Variants in ANXA13 observed in about 807,000 individuals in gnomAD.
ANXA13 encodes annexin A13, also known as annexin XIII.
Under a neutral mutation model 46.6 loss-of-function variants are expected in ANXA13, and 36 were observed. That is an observed-to-expected ratio of 0.77 (90% CI 0.59 to 1.02). The LOEUF is 1.02. ANXA13 is among the 50% of genes least tolerant of loss of function. The pLI is 0.00. For synonymous variants in ANXA13, 163 were observed against 152.9 expected, an observed-to-expected ratio of 1.07 and a Z score of -0.49; for missense variants, 417 against 396.5, an observed-to-expected ratio of 1.05 and a Z score of -0.44.
chr8:123,730,982 G>T (rs537280735), intron 1 of ANXA13, among the ~76,000 whole-genome samples: 2 of 152,340 alleles, frequency 1.3e-5, no homozygotes, highest in Non-Finnish European at 2.9e-5. Flanking sequence ...TCTGTAGGTT[G>T]AATGGTGGGA....
intron 8 of ANXA13, among the ~76,000 whole-genome samples, chr8:123,689,483 C>T (rs1813195266): frequency 1.3e-5 from 2 of 152,058 alleles, no homozygotes; most frequent in South Asian, 4.1e-4. Context: ...TTCATGATAA[C>T]AACTTGATCT....
At chr8:123,696,379 A>T (rs1234854547) in intron 4 of ANXA13, among the ~76,000 whole-genome samples, 1 of 152,196 alleles carries the variant, frequency 6.6e-6, no homozygotes, top group Non-Finnish European at 1.5e-5. Context: ...TCTCTCCTTC[A>T]AACAAGGCTT....
intron 1 of ANXA13, among the ~76,000 whole-genome samples, chr8:123,731,553 T>G (rs968714283): frequency 6.6e-6 from 1 of 152,054 alleles, no homozygotes; most frequent in African/African-American, 2.4e-5. Context: ...AAACCATCAG[T>G]CCAGTGTGAG....
intron 10 of ANXA13, among the ~76,000 whole-genome samples, chr8:123,684,189 T>C (rs1322168126): frequency 6.6e-6 from 1 of 152,254 alleles, no homozygotes; most frequent in Non-Finnish European, 1.5e-5. Flanking sequence ...GCTGATGTGC[T>C]TGCTTCTGCA....
rs556296351 is a variant in ANXA13, at chr8:123,734,578, G to A, written c.15+2742C>T. The stretch of plus-strand genomic sequence containing the variant: ...TGAGGATAGCACAAAAGTAATTTTC[G>A]TTTCAGGATTGGTTAGGATTTCAGA... On this transcript the variant is annotated intron_variant, in intron 1 of 10. Coordinates refer to ENST00000419625, the MANE Select transcript of ANXA13 (RefSeq NM_004306.4). Among the ~76,000 whole-genome samples, 21 of 151,878 alleles carry A rather than the reference G, an allele frequency of 1.4e-4. No individual in the cohort carries two copies. The South Asian group carries it at 3.5e-3, about 26-fold the overall frequency.
Position 123,693,234 on chromosome 8 carries a change from T to A in ANXA13, c.605A>T (p.Tyr202Phe), listed in dbSNP as rs755549123. The A allele has an allele frequency of 6.2e-7, 1 of 1,614,212 alleles. No individual in the cohort carries two copies. The highest frequency in any genetic ancestry group is 1.7e-5 in the Admixed American group (1 of 60,024). ...AFNEVLAKRS[Y>F]KQLRATFQAY... is the part of the protein sequence containing the mutation. ...TTGAAAGGTGGCTCGTAACTGCTTG[T>A]AGCTCCTCTTGGCCAGGACTTCATT... Residue 202 changes from tyrosine to phenylalanine, a missense_variant, in exon 8 of 11, where the codon TAC becomes TTC. Transcript: ENST00000419625.
At chr8:123,734,311 A>T (rs893809814) in intron 1 of ANXA13, among the ~76,000 whole-genome samples, 5 of 152,228 alleles carry the variant, frequency 3.3e-5, no homozygotes, top group African/African-American at 1.2e-4. Flanking sequence ...AGACAATAGA[A>T]GAGTCATCTA....
At position 123,696,886 on chromosome 8, in the gene ANXA13, T is replaced by C. The variant is rs1276007333; in HGVS notation, c.358-1165A>G. On this transcript the variant is annotated intron_variant, in intron 4 of 10. Coordinates refer to ENST00000419625, the MANE Select transcript of ANXA13 (RefSeq NM_004306.4). ...AACTAGGCTGAGGGAGAAAAAGCTA[T>C]GATCACATGAGATTAGAAAAATATA... Among the ~76,000 whole-genome samples, 3 of 152,242 alleles carry C rather than the reference T, an allele frequency of 2.0e-5. No individual in the cohort carries two copies. The East Asian group carries it at 5.8e-4, about 29-fold the overall frequency.
intron 1 of ANXA13, among the ~76,000 whole-genome samples, chr8:123,730,604 A>G (rs945135794): frequency 1.5e-4 from 23 of 152,266 alleles, no homozygotes; most frequent in African/African-American, 5.5e-4. Context: ...GTCTTTGTAG[A>G]TGTAATTAGT....
At chr8:123,736,790 C>A (rs771878556) in intron 1 of ANXA13, among the ~76,000 whole-genome samples, 70 of 151,140 alleles carry the variant, frequency 4.6e-4, no homozygotes, top group Non-Finnish European at 9.4e-4. Flanking sequence ...ATACTTCTTT[C>A]TCTTTAGCCC....
intron 10 of ANXA13, among the ~76,000 whole-genome samples, chr8:123,683,867 A>G (rs888462625): frequency 3.3e-5 from 5 of 152,154 alleles, no homozygotes; most frequent in African/African-American, 4.8e-5. Context: ...GATTACAGGC[A>G]TGAGCCATTG....
chr8:123,737,300 C>T lies in ANXA13; in HGVS notation c.15+20G>A, dbSNP rs779314089. 6.2e-7 allele frequency: 1 copy of T among 1,606,108 alleles called. No individual in the cohort carries two copies. Among genetic ancestry groups the T allele is most frequent in the South Asian group, 1.1e-5 (1 of 90,078 alleles). ...GCTAACCAAAATTAAAACCAATTCC[C>T]AAAGGCAATGAGTACTTACATGACG... On this transcript the variant is annotated intron_variant, in intron 1 of 10. Transcript: ENST00000419625.
intron 3 of ANXA13, among the ~76,000 whole-genome samples, chr8:123,698,891 T>C (rs971813798): frequency 6.6e-6 from 1 of 152,146 alleles, no homozygotes; most frequent in African/African-American, 2.4e-5. Flanking sequence ...TCAAGATCTG[T>C]TGAACCTGAT....
intron 1 of ANXA13, among the ~76,000 whole-genome samples, chr8:123,718,071 C>A (rs1563616421): frequency 6.6e-6 from 1 of 152,206 alleles, no homozygotes. Flanking sequence ...ACCCCACCGA[C>A]TTTTTTCGGA....
chr8:123,735,689 C>T (rs978787727), intron 1 of ANXA13: 2 of 1,478,150 alleles, frequency 1.4e-6, no homozygotes, highest in Non-Finnish European at 1.8e-6. Flanking sequence ...TCACTGGGGG[C>T]TCATATTGGC....
chr8:123,727,084 C>T (rs1032608961), intron 1 of ANXA13, among the ~76,000 whole-genome samples: 9 of 152,156 alleles, frequency 5.9e-5, no homozygotes, highest in Admixed American at 6.5e-5. Context: ...GAATAAAAAA[C>T]TACAAATAGG....
intron 10 of ANXA13, 75 bp from the exon 11 acceptor site, chr8:123,681,434 A>C: frequency 1.4e-6 from 2 of 1,429,278 alleles, no homozygotes; most frequent in South Asian, 1.4e-5. Flanking sequence ...TGTTCTACAC[A>C]TGTTATACTC....
At chr8:123,692,901 G>C (rs573115317) in intron 8 of ANXA13, among the ~76,000 whole-genome samples, 1 of 151,920 alleles carries the variant, frequency 6.6e-6, no homozygotes, top group East Asian at 1.9e-4. Context: ...TTTCCAGCCT[G>C]GGTACTGCAT....
rs993897557 is a variant in ANXA13, at chr8:123,695,785, G to A, written c.358-64C>T. On this transcript the variant is annotated intron_variant, in intron 4 of 10. Coordinates refer to ENST00000419625, the MANE Select transcript of ANXA13 (RefSeq NM_004306.4). ...GAGGGATTAATCAATAAGAGATACAGAGAGAAGAGGCGGGAGACCATGTCT... is the reference window on the plus strand; with the variant it reads ...GAGGGATTAATCAATAAGAGATACAAAGAGAAGAGGCGGGAGACCATGTCT... 11 of 1,400,626 alleles carry A rather than the reference G, an allele frequency of 7.9e-6. No individual in the cohort carries two copies. In the African/African-American group the frequency reaches 1.0e-4, roughly 13 times the overall value. 86.8% of individuals were successfully genotyped at this position (1,400,626 alleles called of 1,614,324 possible).
Sources: gnomAD v4.1 joint callset for allele counts (sites outside exome capture counted in the v4.1 genomes callset) on GRCh38, gnomAD v4.1.1 for gene constraint, MANE v1.5 for transcripts, NCBI Gene and HGNC (gene_info 2026-07-23, HGNC 2026-07-21) for gene names.